Variants in GSE1 observed in about 807,000 individuals in gnomAD.
GSE1 encodes genetic suppressor element 1.
GSE1 carries 32 observed loss-of-function variants against 112.6 expected under a neutral mutation model. The ratio of observed to expected loss-of-function variants is 0.28; its 90% CI spans 0.21 to 0.38. GSE1 has a LOEUF of 0.38. Ranked by LOEUF, GSE1 falls within the 10% of genes least tolerant of loss-of-function variation. The pLI is 1.00. For missense variants in GSE1, 2,348 were observed against 1,699.2 expected (o/e 1.38, Z -6.71); for synonymous variants, 1,115 against 735.6 (o/e 1.52, Z -8.35).
intron 1 of GSE1, among the ~76,000 whole-genome samples, chr16:85,221,511 T>A (rs2075392909): frequency 6.6e-6 from 1 of 152,116 alleles, no homozygotes; most frequent in Admixed American, 6.5e-5. Flanking sequence ...GCCACATCCC[T>A]ATCCCTCTAC....
At chr16:85,275,945 G>C (rs969167859) in intron 1 of GSE1, among the ~76,000 whole-genome samples, 1 of 152,252 alleles carries the variant, frequency 6.6e-6, no homozygotes, top group Admixed American at 6.5e-5. Flanking sequence ...AGAGCTATAG[G>C]CAAAGTCAGA....
intron 1 of GSE1, among the ~76,000 whole-genome samples, chr16:85,601,771 T>C (rs1361079797): frequency 2.6e-5 from 4 of 152,318 alleles, no homozygotes; most frequent in East Asian, 3.9e-4. Context: ...GCTAGGGAGC[T>C]GAGGCCCAGG....
At chr16:85,462,896 C>G (rs1299493021) in intron 2 of GSE1, among the ~76,000 whole-genome samples, 1 of 150,638 alleles carries the variant, frequency 6.6e-6, no homozygotes, top group Non-Finnish European at 1.5e-5. Flanking sequence ...GGGCGCACCG[C>G]GCAGGGACGC....
intron 1 of GSE1, among the ~76,000 whole-genome samples, chr16:85,249,701 G>T (rs369271028): frequency 6.6e-6 from 1 of 152,202 alleles, no homozygotes; most frequent in African/African-American, 2.4e-5. Context: ...AGCTGTCCCC[G>T]CAGCAGGACA....
intron 1 of GSE1, among the ~76,000 whole-genome samples, chr16:85,563,519 G>C (rs184043066): frequency 8.9e-4 from 135 of 152,300 alleles, no homozygotes; most frequent in African/African-American, 3.1e-3. Flanking sequence ...TGCGGGAGTA[G>C]GGCACTGGTG....
At chr16:85,196,053 A>T (rs2074920475) in intron 1 of GSE1, among the ~76,000 whole-genome samples, 1 of 152,222 alleles carries the variant, frequency 6.6e-6, no homozygotes, top group South Asian at 2.1e-4. Flanking sequence ...TTCTGCTGCA[A>T]AACATGTGAG....
intron 1 of GSE1, among the ~76,000 whole-genome samples, chr16:85,187,382 G>A (rs2143396239): frequency 6.6e-6 from 1 of 152,370 alleles, no homozygotes; most frequent in South Asian, 2.1e-4. Flanking sequence ...CAAGGCCCTG[G>A]GGAGCACCGG....
chr16:85,581,840 C>G (rs942345248), intron 1 of GSE1, among the ~76,000 whole-genome samples: 1 of 152,138 alleles, frequency 6.6e-6, no homozygotes, highest in East Asian at 1.9e-4. Flanking sequence ...TTCCTGTCCC[C>G]CACTGGCTGC....
rs2151603125 is a variant in GSE1, at chr16:85,373,527, G to A, written c.2464+15884G>A. 6.6e-6 allele frequency among the ~76,000 whole-genome samples: 1 copy of A among 152,250 alleles called. No individual in the cohort carries two copies. The highest frequency in any genetic ancestry group is 6.5e-5 in the Admixed American group (1 of 15,310). ...GGATGCTGTGGCAGCTGCCTCCCGG[G>A]GCCCCTGGGAGAATGGGCTGGGGCA... On this transcript the variant is annotated intron_variant, in intron 2 of 2. Coordinates refer to the GSE1 transcript ENST00000637419. The surrounding 1 kb of genome is among the most constrained non-coding windows in gnomAD (Gnocchi z 5.1).
Position 85,613,865 on chromosome 16 carries a change from G to T in GSE1, c.7+467G>T, listed in dbSNP as rs1293478538. Among the ~76,000 whole-genome samples the T allele has an allele frequency of 4.6e-4, 68 of 148,822 alleles. 1 individual carries two copies. The East Asian group carries it at 9.3e-3, about 20-fold the overall frequency. ...GGCCGAGGAAGCGGGGGTGTGGGGG[G>T]GGGGGGTGCTCGCTACTGGGGCCGC... On this transcript the variant is annotated intron_variant, in intron 1 of 15. Transcript: ENST00000253458.
At chr16:85,422,018 C>A (rs888108147) in intron 2 of GSE1, among the ~76,000 whole-genome samples, 1 of 152,128 alleles carries the variant, frequency 6.6e-6, no homozygotes, top group Non-Finnish European at 1.5e-5. Context: ...CATGTAGGCT[C>A]ATAGTGGGCA....
intron 2 of GSE1, among the ~76,000 whole-genome samples, chr16:85,526,424 G>C (rs2052366617): frequency 6.6e-6 from 1 of 152,256 alleles, no homozygotes; most frequent in African/African-American, 2.4e-5. Context: ...AGAACGGCCA[G>C]TCCCACGCGC....
Position 85,310,405 on chromosome 16 carries a change from T to C in GSE1, c.2284-47058T>C, listed in dbSNP as rs550743222. Among the ~76,000 whole-genome samples the C allele has an allele frequency of 3.8e-3, 581 of 152,310 alleles. 2 individuals are homozygous for C. The highest frequency in any genetic ancestry group is 0.013 in the African/African-American group (559 of 41,564). The stretch of plus-strand genomic sequence containing the variant: ...TTTATTAAGCTGTCGTTCTCATTAA[T>C]GTCATTGTCGGCTGCCTTCCTTTCA... On this transcript the variant is annotated intron_variant, in intron 1 of 2. Coordinates refer to the GSE1 transcript ENST00000637419.
chr16:85,474,788 G>C (rs553090679), intron 2 of GSE1, among the ~76,000 whole-genome samples: 1 of 151,982 alleles, frequency 6.6e-6, no homozygotes, highest in Non-Finnish European at 1.5e-5. Flanking sequence ...ACCCCTGGAA[G>C]GGGGAGCCTG....
chr16:85,234,970 GA>G (rs1904443318), intron 1 of GSE1, among the ~76,000 whole-genome samples: 1 of 152,148 alleles, frequency 6.6e-6, no homozygotes, highest in Non-Finnish European at 1.5e-5. Flanking sequence ...CCGGATACTA[GA>G]GAGAGAGGCC....
At position 85,644,484 on chromosome 16, in the gene GSE1, G is replaced by A. The variant is rs555123795; in HGVS notation, c.227-4068G>A. Among the ~76,000 whole-genome samples, 6 of 152,306 alleles carry A rather than the reference G, an allele frequency of 3.9e-5. No homozygotes were observed. In the South Asian group the frequency reaches 1.0e-3, roughly 26 times the overall value. ...GCACACAGTGGACTGTCACTTAGCCGCGGGAAGGAGAGATTCTCTTAGGTG... is the reference window on the plus strand; with the variant it reads ...GCACACAGTGGACTGTCACTTAGCCACGGGAAGGAGAGATTCTCTTAGGTG... On this transcript the variant is annotated intron_variant, in intron 2 of 15. Transcript: ENST00000253458.
chr16:85,254,382 C>G (rs936136064), intron 1 of GSE1, among the ~76,000 whole-genome samples: 19 of 152,186 alleles, frequency 1.2e-4, no homozygotes, highest in Non-Finnish European at 2.9e-5. Flanking sequence ...CATGTGTTGA[C>G]CCTGAAGAAG....
intron 1 of GSE1, among the ~76,000 whole-genome samples, chr16:85,312,625 A>G (rs1484628281): frequency 6.6e-6 from 1 of 151,264 alleles, no homozygotes; most frequent in Non-Finnish European, 1.5e-5. Context: ...CCAGACTGCC[A>G]CATTCACAGG....
chr16:85,245,581 G>C lies in GSE1; in HGVS notation c.2283+73774G>C, dbSNP rs1296299939. Among the ~76,000 whole-genome samples, 3 of 152,070 alleles carry C rather than the reference G, an allele frequency of 2.0e-5. No individual in the cohort carries two copies. The East Asian group carries it at 5.8e-4, about 29-fold the overall frequency. On this transcript the variant is annotated intron_variant, in intron 1 of 2. Coordinates refer to the GSE1 transcript ENST00000637419. Reference sequence around the variant, plus strand: ...CTTGCCCCTTTTGATTGGATTTCTTGGATATAAAGTTTCATGCCCTAATCT... The same window carrying C: ...CTTGCCCCTTTTGATTGGATTTCTTCGATATAAAGTTTCATGCCCTAATCT...
Sources: allele counts gnomAD v4.1 joint callset (sites outside exome capture counted in the v4.1 genomes callset), GRCh38; gene constraint gnomAD v4.1.1; non-coding constraint Gnocchi (gnomAD v3.1); transcripts MANE v1.5; gene names NCBI Gene and HGNC (gene_info 2026-07-23, HGNC 2026-07-21).